ZNF57: variants seen among roughly 807,000 people sequenced by gnomAD.
ZNF57 encodes the protein zinc finger protein 57.
In ZNF57, 11 loss-of-function variants were observed where a neutral mutation model predicts 13.4. That is an observed-to-expected ratio of 0.82 (90% confidence interval 0.52 to 1.36). The LOEUF is 1.36. Ranked by LOEUF, ZNF57 falls within the 40% of genes most tolerant of loss-of-function variation. ZNF57 has a pLI of 0.00. For missense variants in ZNF57, 696 were observed against 667.5 expected, an observed-to-expected ratio of 1.04 and a Z score of -0.47; for synonymous variants, 224 against 238.5, an observed-to-expected ratio of 0.94 and a Z score of 0.56.
At chr19:2,902,239 G>T (rs1401600150) in intron 1 of ZNF57, among the ~76,000 whole-genome samples, 1 of 151,640 alleles carries the variant, frequency 6.6e-6, no homozygotes, top group Non-Finnish European at 1.5e-5. Context: ...GTGGGAGTTA[G>T]CTGCCCTGGG....
At position 2,917,276 on chromosome 19, in the gene ZNF57, A is replaced by G; in HGVS notation, c.655A>G (p.Thr219Ala). 1 of 1,614,104 alleles carries G rather than the reference A, an allele frequency of 6.2e-7. No individual in the cohort carries two copies. The highest frequency in any genetic ancestry group is 8.5e-7 in the Non-Finnish European group (1 of 1,179,952). The change falls in exon 4 of 4, where the codon ACA becomes GCA. Residue 219 changes from threonine (T) to alanine (A), a missense_variant. Physicochemically the swap from Thr to Ala is moderately conservative, Grantham distance 58. Around this residue, in one of 3 missense-constraint regions of ZNF57, gnomAD observed 645 missense variants for 591.5 expected, o/e 1.09. Transcript: ENST00000306908. ...CCTCTCCCACCACGTAAAGACTCACACAGCAGAGAAAACCTACAAATGCGA... is the reference window on the plus strand; with the variant it reads ...CCTCTCCCACCACGTAAAGACTCACGCAGCAGAGAAAACCTACAAATGCGA... ...RYLSHHVKTH[T>A]AEKTYKCEQC...
Position 2,917,522 on chromosome 19 carries a change from A to C in ZNF57, c.901A>C (p.Thr301Pro), listed in dbSNP as rs749454471. The change falls in exon 4 of 4, where the codon ACG becomes CCG. Residue 301 changes from threonine to proline, a missense_variant. Physicochemically the swap from Thr to Pro is conservative, Grantham distance 38 (BLOSUM62 -1). Around this residue, in one of 3 missense-constraint regions of ZNF57, gnomAD observed 645 missense variants for 591.5 expected, o/e 1.09. Coordinates refer to ENST00000306908, the MANE Select transcript of ZNF57 (RefSeq NM_173480.3). ...YPQAFQRHEK[T>P]HTGEKPYECK... Reference sequence around the variant, plus strand: ...CCAGGCTTTTCAAAGACATGAGAAGACGCACACGGGAGAGAAGCCCTATGA... The same window carrying C: ...CCAGGCTTTTCAAAGACATGAGAAGCCGCACACGGGAGAGAAGCCCTATGA... 6.2e-7 allele frequency: 1 copy of C among 1,613,770 alleles called. No individual in the cohort carries two copies. The highest frequency in any genetic ancestry group is 8.5e-7 in the Non-Finnish European group (1 of 1,179,818).
chr19:2,916,244 T>C lies in ZNF57; in HGVS notation c.297T>C (p.Asn99=). 6.2e-7 allele frequency: 1 copy of C among 1,604,940 alleles called. No homozygotes were observed. The highest frequency in any genetic ancestry group is 8.5e-7 in the Non-Finnish European group (1 of 1,176,372). ...EGYGTEDHHK[N]LRNHMVDRFC... ...ATGGCACTGAAGACCACCACAAAAA[T>C]CTGAGGTGAGTTGCACTCACAAGAG... is the stretch of plus-strand genomic sequence containing the variant. Residue 99 remains asparagine (N), a synonymous_variant, in exon 3 of 4, where the codon AAT becomes AAC. Transcript: ENST00000306908.
chr19:2,917,717 T>A lies in ZNF57; in HGVS notation c.1096T>A (p.Cys366Ser). ...RTHTGEKPYE[C>S]KQCGKAFTWS... Reference sequence around the variant, plus strand: ...GCACACTGGAGAGAAACCTTATGAGTGTAAACAATGTGGGAAAGCCTTCAC... The same window carrying A: ...GCACACTGGAGAGAAACCTTATGAGAGTAAACAATGTGGGAAAGCCTTCAC... The change falls in exon 4 of 4, where the codon TGT becomes AGT. Residue 366 changes from cysteine to serine, a missense_variant. Coordinates refer to ENST00000306908, the MANE Select transcript of ZNF57 (RefSeq NM_173480.3). 3.1e-6 allele frequency: 5 copies of A among 1,613,686 alleles called. No homozygotes were observed. The highest frequency in any genetic ancestry group is 4.2e-6 in the Non-Finnish European group (5 of 1,179,928).
chr19:2,912,774 G>C (rs148608269), intron 1 of ZNF57, among the ~76,000 whole-genome samples: 179 of 152,308 alleles, frequency 1.2e-3, no homozygotes, highest in African/African-American at 4.2e-3. Context: ...CACCAGCAAT[G>C]TGTGAAGATT....
chr19:2,915,695 C>T lies in ZNF57; in HGVS notation c.130+47C>T, dbSNP rs776500145. On this transcript the variant is annotated intron_variant, in intron 2 of 3. Coordinates refer to ENST00000306908, the MANE Select transcript of ZNF57 (RefSeq NM_173480.3). ...CCCTTGGTTTTTAATGAACTCATTT[C>T]TTTCTCATCAGTTCTGTTGCAAGAT... 1.7e-5 allele frequency: 28 copies of T among 1,612,486 alleles called. 1 individual carries two copies. In the South Asian group the frequency reaches 3.1e-4, roughly 18 times the overall value.
intron 2 of ZNF57, 63 bp from the exon 3 acceptor site, chr19:2,916,015 G>T: frequency 6.5e-7 from 1 of 1,541,130 alleles, no homozygotes; most frequent in East Asian, 2.3e-5. Context: ...AAACTCCTCA[G>T]TGTCTTCCTT....
chr19:2,912,480 C>T (rs1458178600), intron 1 of ZNF57, among the ~76,000 whole-genome samples: 1 of 152,206 alleles, frequency 6.6e-6, no homozygotes, highest in Non-Finnish European at 1.5e-5. Context: ...ATCTAAGTAA[C>T]GGTTCCCACA....
intron 2 of ZNF57, 126 bp downstream of exon 2, chr19:2,915,774 G>C (rs1568183317): frequency 7.1e-7 from 1 of 1,417,862 alleles, no homozygotes; most frequent in Non-Finnish European, 9.9e-7. Flanking sequence ...CATGGACCTA[G>C]AATCTAGTCA....
At chr19:2,913,908 T>C (rs1173307825) in intron 1 of ZNF57, among the ~76,000 whole-genome samples, 3 of 152,222 alleles carry the variant, frequency 2.0e-5, no homozygotes, top group African/African-American at 7.2e-5. Flanking sequence ...CCCAAAATCC[T>C]GGGATTACAG....
chr19:2,903,451 A>G (rs1422409169), intron 1 of ZNF57, among the ~76,000 whole-genome samples: 1 of 151,928 alleles, frequency 6.6e-6, no homozygotes, highest in Non-Finnish European at 1.5e-5. Flanking sequence ...ACCTTAAGTG[A>G]TCCACCCTCC....
In ZNF57 at chr19:2,917,387, G is replaced by A. The variant is rs895794186; in HGVS notation, c.766G>A (p.Glu256Lys). Reference protein sequence around the residue: ...HTKDRPYKCQECGRAFIYPST... With the variant: ...HTKDRPYKCQKCGRAFIYPST... ...AAAAGACAGGCCATATAAATGTCAG[G>A]AATGTGGGAGAGCCTTCATTTATCC... Residue 256 changes from glutamate (E) to lysine (K), a missense_variant, in exon 4 of 4, where the codon GAA (glutamate) becomes AAA (lysine). By Grantham distance (56) the Glu-to-Lys change is moderately conservative (BLOSUM62 1). Around this residue, in one of 3 missense-constraint regions of ZNF57, gnomAD observed 645 missense variants for 591.5 expected, o/e 1.09. Transcript: ENST00000306908. The A allele has an allele frequency of 2.5e-6, 4 of 1,614,076 alleles. No homozygotes were observed. The highest frequency in any genetic ancestry group is 1.7e-5 in the Admixed American group (1 of 59,990).
At position 2,918,109 on chromosome 19, in the gene ZNF57, G is replaced by A. The variant is rs2088231732; in HGVS notation, c.1488G>A (p.Arg496=). Residue 496 remains arginine (R), a synonymous_variant, in exon 4 of 4, where the codon AGG becomes AGA. Transcript: ENST00000306908. The part of the protein sequence containing the change: ...TWSSTLHNHV[R]MHTGEKPHKC... ...CCTCAACCTTACATAATCATGTGAG[G>A]ATGCACACTGGAGAGAAACCTCACA... 1 of 1,614,184 alleles carries A rather than the reference G, an allele frequency of 6.2e-7. No homozygotes were observed. Among genetic ancestry groups the A allele is most frequent in the African/African-American group, 1.3e-5 (1 of 75,038 alleles).
rs780290165 is a variant in ZNF57, at chr19:2,916,990, A to G, written c.369A>G (p.Gln123=). 2.5e-6 allele frequency: 4 copies of G among 1,613,830 alleles called. No individual in the cohort carries two copies. Among genetic ancestry groups the G allele is most frequent in the Middle Eastern group, 1.7e-4 (1 of 6,058 alleles). The change falls in exon 4 of 4, where the codon CAA becomes CAG. Residue 123 remains glutamine (Q), a synonymous_variant. Coordinates refer to ENST00000306908, the MANE Select transcript of ZNF57 (RefSeq NM_173480.3). ...ATCAATATGGAGAAGCCATCCATCA[A>G]ATGCCAGATCTTACCCTGCACAAGA... ...EGNQYGEAIH[Q]MPDLTLHKKV...
intron 1 of ZNF57, among the ~76,000 whole-genome samples, chr19:2,911,126 A>T (rs930796315): frequency 6.6e-6 from 1 of 152,010 alleles, no homozygotes; most frequent in African/African-American, 2.4e-5. Context: ...GCAGTGGTAC[A>T]ATCATGGCTC....
intron 1 of ZNF57, among the ~76,000 whole-genome samples, chr19:2,911,857 G>T (rs2088140174): frequency 6.6e-6 from 1 of 152,066 alleles, no homozygotes; most frequent in African/African-American, 2.4e-5. Flanking sequence ...GCCTGTTTTT[G>T]CATGTTGTCT....
chr19:2,916,469 T>C (rs1193668863), intron 3 of ZNF57: 1 of 392,834 alleles, frequency 2.5e-6, no homozygotes, highest in Admixed American at 4.2e-5. Flanking sequence ...TCCCAGCACT[T>C]TGGGAGGCTG....
intron 2 of ZNF57, 116 bp from the exon 3 acceptor site, chr19:2,915,962 T>A: frequency 1.7e-6 from 2 of 1,179,820 alleles, no homozygotes; most frequent in Non-Finnish European, 2.4e-6. Context: ...TACCTAACAT[T>A]TTGACCCCTT....
In ZNF57 at chr19:2,905,415, CCCCT is replaced by C. The variant is rs1385442248; in HGVS notation, c.3+4369_3+4372del. Among the ~76,000 whole-genome samples, 58 of 71,914 alleles carry C rather than the reference CCCCT, an allele frequency of 8.1e-4. 23 individuals carry two copies. The highest frequency in any genetic ancestry group is 1.9e-3 in the South Asian group (4 of 2,150). The allele number at this position is 71,914 out of a possible 152,430, so 47.2% of individuals were successfully genotyped here. A position where few individuals can be genotyped will look rare whatever the true frequency, so the allele number is the denominator to read the frequency against. Reference sequence around the variant, plus strand: ...CTTGACTTCAGGTGATCGCCCCCCCCCCCTCGGCATTCCAAAGTATTTGCATTAC... The same window carrying C: ...CTTGACTTCAGGTGATCGCCCCCCCCCGGCATTCCAAAGTATTTGCATTAC... On this transcript the variant is annotated intron_variant, in intron 1 of 3. Transcript: ENST00000306908.
Sources: allele counts gnomAD v4.1 joint callset (sites outside exome capture counted in the v4.1 genomes callset), GRCh38; gene constraint gnomAD v4.1.1; regional missense constraint gnomAD v4.1.1; transcripts MANE v1.5; gene names NCBI Gene and HGNC (gene_info 2026-07-23, HGNC 2026-07-21).